The following GRK5 variants were observed in gnomAD, a reference collection of about 807,000 sequenced individuals.
GRK5 encodes g protein-coupled receptor kinase GRK5.
In GRK5, 40 loss-of-function variants were observed where a neutral mutation model predicts 78.4. The observed-to-expected ratio is 0.51, with a 90% confidence interval of 0.40 to 0.66. The LOEUF (loss-of-function observed/expected upper bound fraction) is 0.66. Ranked by LOEUF, GRK5 falls within the 30% of genes least tolerant of loss-of-function variation. GRK5 has a pLI of 0.00. For missense variants in GRK5, 598 were observed against 759.9 expected, an observed-to-expected ratio of 0.79 and a Z score of 2.50; for synonymous variants, 289 against 296.8, an observed-to-expected ratio of 0.97 and a Z score of 0.27.
In GRK5 at chr10:119,384,641, C is replaced by T. The variant is rs541716932; in HGVS notation, c.261+3714C>T. Among the ~76,000 whole-genome samples the T allele has an allele frequency of 2.6e-5, 4 of 152,318 alleles. No individual in the cohort carries two copies. In the East Asian group the frequency reaches 5.8e-4, roughly 22 times the overall value. ...AGCCAGAGCCTCTTTGTGGCACAGACGTGGCCCATGGTCTGTGAATCCTCA... is the reference window on the plus strand; with the variant it reads ...AGCCAGAGCCTCTTTGTGGCACAGATGTGGCCCATGGTCTGTGAATCCTCA... On this transcript the variant is annotated intron_variant, in intron 3 of 15. Coordinates refer to ENST00000392870, the MANE Select transcript of GRK5 (RefSeq NM_005308.3).
rs1849235913 is a variant in GRK5, at chr10:119,253,596, A to G, written c.52+45627A>G. ...GAACCAGGGCTTCAGCCCGGCGCAC[A>G]CCCAGCTCGTTTGGAGGTCACGGCT... On this transcript the variant is annotated intron_variant, in intron 1 of 15. Transcript: ENST00000392870. The surrounding 1 kb of genome is among the most constrained non-coding windows in gnomAD (Gnocchi z 5.7). 6.6e-6 allele frequency among the ~76,000 whole-genome samples: 1 copy of G among 152,176 alleles called. No individual in the cohort carries two copies. The highest frequency in any genetic ancestry group is 1.5e-5 in the Non-Finnish European group (1 of 68,024).
intron 3 of GRK5, among the ~76,000 whole-genome samples, chr10:119,394,537 C>G (rs1385969154): frequency 3.6e-4 from 2 of 5,504 alleles, no homozygotes; most frequent in Admixed American, 1.5e-3. Flanking sequence ...GGGTGTGTAT[C>G]TGTGTGTGGG....
intron 2 of GRK5, among the ~76,000 whole-genome samples, chr10:119,349,980 G>A (rs1851165436): frequency 6.6e-6 from 1 of 152,240 alleles, no homozygotes. Context: ...TTTCATTCTT[G>A]TTTTACGGAC....
chr10:119,396,988 G>A (rs1019970071), intron 4 of GRK5, among the ~76,000 whole-genome samples: 2 of 152,256 alleles, frequency 1.3e-5, no homozygotes, highest in Admixed American at 1.3e-4. Flanking sequence ...CTGGAGTAGG[G>A]GCGGGATGCC....
rs1463873092 is a variant in GRK5, at chr10:119,456,017, A to G, written c.*950A>G. On this transcript the variant is annotated 3_prime_UTR_variant, in exon 16 of 16. Coordinates refer to ENST00000392870, the MANE Select transcript of GRK5 (RefSeq NM_005308.3). The surrounding 1 kb of genome is among the most constrained non-coding windows in gnomAD (Gnocchi z 5.5). ...ATTTTTAACAGAAGCATAGGACCGT[A>G]AAGATGTGTCATGAAACCCCAAGTG... 1 of 152,308 alleles carries G rather than the reference A, an allele frequency of 6.6e-6. No individual in the cohort carries two copies. The highest frequency in any genetic ancestry group is 1.9e-4 in the East Asian group (1 of 5,208). 9.4% of individuals were successfully genotyped at this position (152,308 alleles called of 1,614,324 possible). A position where few individuals can be genotyped will look rare whatever the true frequency, so the allele number is the denominator to read the frequency against.
chr10:119,327,520 C>G (rs1850700177), intron 2 of GRK5, among the ~76,000 whole-genome samples: 1 of 152,198 alleles, frequency 6.6e-6, no homozygotes, highest in South Asian at 2.1e-4. Flanking sequence ...TGGTGCTGCC[C>G]AGAACTCCAT....
chr10:119,257,356 A>G (rs1849305563), intron 1 of GRK5, among the ~76,000 whole-genome samples: 1 of 152,204 alleles, frequency 6.6e-6, no homozygotes, highest in Non-Finnish European at 1.5e-5. Flanking sequence ...CCCCTGTCTG[A>G]TATAACTCCC....
At position 119,411,842 on chromosome 10, in the gene GRK5, CTTTTTTTTTT is replaced by C. The variant is rs10578557; in HGVS notation, c.340-11307_340-11298del. Among the ~76,000 whole-genome samples the C allele has an allele frequency of 3.3e-3, 318 of 95,970 alleles. 1 individual carries two copies. The highest frequency in any genetic ancestry group is 8.4e-3 in the African/African-American group (235 of 27,972). 63.0% of individuals were successfully genotyped at this position (95,970 alleles called of 152,430 possible). ...CCTCAGCTTCATTGCAGATCTGCTT[CTTTTTTTTTT>C]TTTTTTTTTTTTTTTTGAGATAGAG... is the stretch of plus-strand genomic sequence containing the variant. On this transcript the variant is annotated intron_variant, in intron 4 of 15. Coordinates refer to ENST00000392870, the MANE Select transcript of GRK5 (RefSeq NM_005308.3).
intron 1 of GRK5, among the ~76,000 whole-genome samples, chr10:119,274,817 G>T (rs1214848236): frequency 6.6e-6 from 1 of 152,222 alleles, no homozygotes; most frequent in East Asian, 1.9e-4. Context: ...GCACCCAGGG[G>T]TTCCAGCCTT....
rs569862085 is a variant in GRK5, at chr10:119,360,084, TA to T, written c.149-20730del. On this transcript the variant is annotated intron_variant, in intron 2 of 15. Coordinates refer to ENST00000392870, the MANE Select transcript of GRK5 (RefSeq NM_005308.3). The stretch of plus-strand genomic sequence containing the variant: ...GGGAGGTGGAGGGAGGTTGAGGAGA[TA>T]GGGGGAGGCTGAGGAGGCCGAGGGA... Among the ~76,000 whole-genome samples, 5 of 57,232 alleles carry T rather than the reference TA, an allele frequency of 8.7e-5. No homozygotes were observed. In the South Asian group the frequency reaches 2.5e-3, roughly 29 times the overall value. 37.5% of individuals were successfully genotyped at this position (57,232 alleles called of 152,430 possible).
chr10:119,418,579 T>A (rs1852509856), intron 4 of GRK5, among the ~76,000 whole-genome samples: 1 of 152,094 alleles, frequency 6.6e-6, no homozygotes, highest in Non-Finnish European at 1.5e-5. Flanking sequence ...GTCATCAGAG[T>A]GGACTCTGGC....
At chr10:119,305,688 G>C (rs916810934) in intron 1 of GRK5, among the ~76,000 whole-genome samples, 1 of 152,196 alleles carries the variant, frequency 6.6e-6, no homozygotes, top group Non-Finnish European at 1.5e-5. Flanking sequence ...CGGGAGACAC[G>C]TGTAAGTGCC....
chr10:119,385,375 C>A (rs1353584329), intron 3 of GRK5, among the ~76,000 whole-genome samples: 1 of 152,154 alleles, frequency 6.6e-6, no homozygotes, highest in Non-Finnish European at 1.5e-5. Context: ...AGTGATCTTC[C>A]TACCTTGGCC....
intron 1 of GRK5, among the ~76,000 whole-genome samples, chr10:119,281,372 T>G (rs879655888): frequency 1.1e-4 from 17 of 152,124 alleles, no homozygotes; most frequent in African/African-American, 3.9e-4. Flanking sequence ...CTTTACTAAC[T>G]ACCCTGGGTT....
chr10:119,322,282 G>T (rs7091519), intron 1 of GRK5, among the ~76,000 whole-genome samples: 104,834 of 152,172 alleles, frequency 0.69, 37,861 homozygotes, highest in Non-Finnish European at 0.79. Flanking sequence ...AGCCAACCAT[G>T]CTTTGTTCCA....
At chr10:119,395,881 G>A (rs537893839) in intron 3 of GRK5, among the ~76,000 whole-genome samples, 49 of 152,176 alleles carry the variant, frequency 3.2e-4, no homozygotes, top group Middle Eastern at 3.4e-3. Context: ...CCTTCCCACC[G>A]CCGGCCCTCG....
At chr10:119,334,653 TTTTA>T (rs942569592) in intron 2 of GRK5, 1 of 152,170 alleles carries the variant, frequency 6.6e-6, no homozygotes, top group African/African-American at 2.4e-5. Context: ...AGTGTGGCAT[TTTTA>T]TTTATTTAGC....
At chr10:119,289,743 C>G (rs1174825926) in intron 1 of GRK5, among the ~76,000 whole-genome samples, 2 of 152,216 alleles carry the variant, frequency 1.3e-5, no homozygotes, top group Non-Finnish European at 2.9e-5. Flanking sequence ...TAGGCACCGG[C>G]TGAGCTACCT....
chr10:119,307,385 G>A (rs1162184311), intron 1 of GRK5, among the ~76,000 whole-genome samples: 3 of 152,142 alleles, frequency 2.0e-5, no homozygotes, highest in African/African-American at 7.3e-5. Context: ...ATGTGATTAA[G>A]TTAAGGCTGT....
Sources: gnomAD v4.1 joint callset for allele counts (sites outside exome capture counted in the v4.1 genomes callset) on GRCh38, gnomAD v4.1.1 for gene constraint, Gnocchi (gnomAD v3.1) non-coding constraint, MANE v1.5 for transcripts, NCBI Gene and HGNC (gene_info 2026-07-23, HGNC 2026-07-21) for gene names.